The following ATRNL1 variants were observed in gnomAD, a reference collection of about 807,000 sequenced individuals.
ATRNL1 encodes attractin-like protein 1.
ATRNL1 carries 95 observed loss-of-function variants against 182.7 expected under a neutral mutation model. That is an observed-to-expected ratio of 0.52 (90% CI 0.44 to 0.62). The LOEUF (loss-of-function observed/expected upper bound fraction) is 0.62, where lower values mean the gene tolerates loss of function less well. Among genes scored for constraint, ATRNL1 ranks in the 20% least tolerant of loss-of-function variants. The probability of loss-of-function intolerance (pLI) is 0.00; values close to 1 mark genes in which losing one functional copy is unlikely to be tolerated. For synonymous variants in ATRNL1, 576 were observed against 568.3 expected (o/e 1.01, Z -0.19); for missense variants, 1,471 against 1,679.5 (o/e 0.88, Z 2.17).
At chr10:115,885,641 T>C (rs1555109582) in intron 28 of ATRNL1, among the ~76,000 whole-genome samples, 1 of 152,188 alleles carries the variant, frequency 6.6e-6, no homozygotes, top group East Asian at 1.9e-4. Context: ...CAATGTTAAC[T>C]TTTTTCCGTA....
intron 26 of ATRNL1, among the ~76,000 whole-genome samples, chr10:115,721,033 TA>T (rs1555057620): frequency 6.6e-6 from 1 of 152,200 alleles, no homozygotes; most frequent in Non-Finnish European, 1.5e-5. Context: ...GGGAAATAAT[TA>T]AAGTATCATC....
intron 6 of ATRNL1, among the ~76,000 whole-genome samples, chr10:115,161,990 T>C (rs1254661421): frequency 6.6e-6 from 1 of 152,054 alleles, no homozygotes; most frequent in Admixed American, 6.6e-5. Flanking sequence ...AGAAAGACTT[T>C]TACAGAATAT....
intron 27 of ATRNL1, among the ~76,000 whole-genome samples, chr10:115,814,918 C>T (rs185109073): frequency 3.3e-4 from 50 of 152,274 alleles, no homozygotes; most frequent in African/African-American, 1.2e-3. Context: ...CACAGAATTA[C>T]TATGCTACCT....
At chr10:115,233,873 T>C (rs1161029182) in intron 9 of ATRNL1, among the ~76,000 whole-genome samples, 1 of 152,100 alleles carries the variant, frequency 6.6e-6, no homozygotes, top group Non-Finnish European at 1.5e-5. Context: ...GTGTTTTTTT[T>C]AGTTTGCTAG....
At chr10:115,845,820 G>A (rs185080465) in intron 27 of ATRNL1, among the ~76,000 whole-genome samples, 1 of 151,914 alleles carries the variant, frequency 6.6e-6, no homozygotes, top group Non-Finnish European at 1.5e-5. Flanking sequence ...TGTTTCTTAG[G>A]TATGGTTTTT....
intron 24 of ATRNL1, among the ~76,000 whole-genome samples, chr10:115,478,448 G>A (rs144178659): frequency 4.5e-4 from 68 of 151,816 alleles, no homozygotes; most frequent in African/African-American, 1.1e-3. Flanking sequence ...GAAGATGGCC[G>A]CTGTTCCCTG....
chr10:115,851,556 G>A (rs952291523), intron 28 of ATRNL1, among the ~76,000 whole-genome samples: 1 of 152,078 alleles, frequency 6.6e-6, no homozygotes, highest in Non-Finnish European at 1.5e-5. Flanking sequence ...TCATCCCTTA[G>A]ATTACCCATG....
intron 27 of ATRNL1, among the ~76,000 whole-genome samples, chr10:115,803,238 A>G (rs781864166): frequency 6.8e-6 from 1 of 147,316 alleles, no homozygotes; most frequent in African/African-American, 2.4e-5. Context: ...TACTTACCTA[A>G]ATTAATTTGG....
intron 24 of ATRNL1, among the ~76,000 whole-genome samples, chr10:115,490,411 G>A (rs1849242129): frequency 6.6e-6 from 1 of 151,946 alleles, no homozygotes; most frequent in Non-Finnish European, 1.5e-5. Context: ...TTTCTTGGAG[G>A]CTTTGTTTCT....
intron 26 of ATRNL1, among the ~76,000 whole-genome samples, chr10:115,663,645 G>C (rs546512387): frequency 1.6e-4 from 24 of 152,068 alleles, no homozygotes; most frequent in African/African-American, 5.8e-4. Context: ...AAATCCTATA[G>C]GAGTTTTGTT....
At chr10:115,223,913 G>GTATATATA (rs782380839) in intron 9 of ATRNL1, among the ~76,000 whole-genome samples, 2 of 55,922 alleles carry the variant, frequency 3.6e-5, no homozygotes, top group African/African-American at 8.4e-5. Context: ...GTGTGTGTGT[G>GTATATATA]TATATATATA....
At chr10:115,683,790 G>A (rs1946131257) in intron 26 of ATRNL1, among the ~76,000 whole-genome samples, 1 of 151,766 alleles carries the variant, frequency 6.6e-6, no homozygotes, top group African/African-American at 2.4e-5. Context: ...GTTGAAATTT[G>A]TATAAGCAAA....
intron 28 of ATRNL1, among the ~76,000 whole-genome samples, chr10:115,854,562 A>G (rs1357779228): frequency 6.6e-6 from 1 of 152,154 alleles, no homozygotes; most frequent in Non-Finnish European, 1.5e-5. Context: ...TCTTCAGCCA[A>G]CACCTCTCAC....
intron 26 of ATRNL1, among the ~76,000 whole-genome samples, chr10:115,716,613 C>T (rs7904786): frequency 0.37 from 56,765 of 151,880 alleles, 11,451 homozygotes; most frequent in East Asian, 0.59. Flanking sequence ...AATCTTTCTT[C>T]AGTAAATTAC....
chr10:115,256,392 C>G (rs1851137354), intron 10 of ATRNL1, among the ~76,000 whole-genome samples: 1 of 152,004 alleles, frequency 6.6e-6, no homozygotes, highest in Non-Finnish European at 1.5e-5. Flanking sequence ...AGGAATTTAT[C>G]CATTTCTTTT....
At chr10:115,939,559 T>G (rs1432617345) in intron 28 of ATRNL1, among the ~76,000 whole-genome samples, 1 of 152,238 alleles carries the variant, frequency 6.6e-6, no homozygotes, top group Non-Finnish European at 1.5e-5. Flanking sequence ...CATCTGTGCA[T>G]CATCTTTACG....
Position 115,259,073 on chromosome 10 carries a change from G to T in ATRNL1, c.1688-6120G>T, listed in dbSNP as rs1231702952. Among the ~76,000 whole-genome samples, 3 of 152,192 alleles carry T rather than the reference G, an allele frequency of 2.0e-5. No individual in the cohort carries two copies. The East Asian group carries it at 5.8e-4, about 29-fold the overall frequency. ...TTTCTGCCAGTTAGGCTACACGGGG[G>T]TCAGGGACCCACTTGAGGAGGCAGT... On this transcript the variant is annotated intron_variant, in intron 10 of 28. Coordinates refer to ENST00000355044, the MANE Select transcript of ATRNL1 (RefSeq NM_207303.4).
At chr10:115,650,428 G>C (rs1555034027) in intron 26 of ATRNL1, among the ~76,000 whole-genome samples, 1 of 151,988 alleles carries the variant, frequency 6.6e-6, no homozygotes, top group Non-Finnish European at 1.5e-5. Flanking sequence ...CATAAGTCAA[G>C]TTACTGGTTG....
chr10:115,725,871 G>T (rs930830837), intron 26 of ATRNL1, among the ~76,000 whole-genome samples: 4 of 152,020 alleles, frequency 2.6e-5, no homozygotes, highest in African/African-American at 9.7e-5. Flanking sequence ...ATATAATTTT[G>T]AAGTTATATT....
Sources: gnomAD v4.1 joint callset for allele counts (sites outside exome capture counted in the v4.1 genomes callset) on GRCh38, gnomAD v4.1.1 for gene constraint, MANE v1.5 for transcripts, NCBI Gene and HGNC (gene_info 2026-07-23, HGNC 2026-07-21) for gene names.